Variants in PMS1 observed in about 807,000 individuals in gnomAD.
The protein encoded by PMS1 is PMS1 homolog 1, mismatch repair system component, also known as PMS1 protein homolog 1.
Under a neutral mutation model 93.1 loss-of-function variants are expected in PMS1, and 79 were observed. That is an observed-to-expected ratio of 0.85 (90% CI 0.71 to 1.02). The LOEUF (loss-of-function observed/expected upper bound fraction) is 1.02. Among genes scored for constraint, PMS1 ranks in the 50% least tolerant of loss-of-function variants. PMS1 has a pLI of 0.00. For synonymous variants in PMS1, 335 were observed against 363.4 expected, an observed-to-expected ratio of 0.92 and a Z score of 0.89; for missense variants, 1,064 against 1,085.3, an observed-to-expected ratio of 0.98 and a Z score of 0.28.
intron 1 of PMS1, among the ~76,000 whole-genome samples, chr2:189,786,674 T>A (rs1404186675): frequency 6.6e-6 from 1 of 152,170 alleles, no homozygotes; most frequent in Non-Finnish European, 1.5e-5. Context: ...TACGTAGAGT[T>A]GTTGTGAGGA....
At chr2:189,856,827 G>A (rs2055387485) in intron 9 of PMS1, among the ~76,000 whole-genome samples, 1 of 152,090 alleles carries the variant, frequency 6.6e-6, no homozygotes, top group South Asian at 2.1e-4. Flanking sequence ...GGGAATGTCT[G>A]CATTGTTTCT....
At chr2:189,797,996 AG>A (rs2049511653) in intron 3 of PMS1, among the ~76,000 whole-genome samples, 1 of 152,206 alleles carries the variant, frequency 6.6e-6, no homozygotes, top group Admixed American at 6.5e-5. Context: ...TAACTTGCTG[AG>A]CATTACAGCT....
In PMS1 at chr2:189,867,808, TG is replaced by T; in HGVS notation, c.2354del (p.Gly785AspfsTer5). On this transcript the variant is annotated frameshift_variant, in exon 11 of 13. Coordinates refer to ENST00000441310, the MANE Select transcript of PMS1 (RefSeq NM_000534.5). LOFTEE classifies it high-confidence loss of function. ...PIMLTESLFN[G>X]SHYLDVLYKM... ...ATAATTTCTTTTTCAGTCTTTTTAATGGATCTCATTATTTAGACGTTTTATA... is the reference window on the plus strand; with the variant it reads ...ATAATTTCTTTTTCAGTCTTTTTAATGATCTCATTATTTAGACGTTTTATA... 6.4e-7 allele frequency: 1 copy of T among 1,573,094 alleles called. No homozygotes were observed. Among genetic ancestry groups the T allele is most frequent in the Non-Finnish European group, 8.8e-7 (1 of 1,142,770 alleles).
chr2:189,789,455 A>C (rs1280337608), intron 1 of PMS1, among the ~76,000 whole-genome samples: 1 of 152,098 alleles, frequency 6.6e-6, no homozygotes, highest in Non-Finnish European at 1.5e-5. Flanking sequence ...CATTTTTTTC[A>C]TTGTGCCAAT....
In PMS1 at chr2:189,855,861, TG is replaced by T. The variant is rs776027097; in HGVS notation, c.1856+735del. The T allele has an allele frequency of 2.5e-5, 28 of 1,108,382 alleles. No homozygotes were observed. The South Asian group carries it at 2.6e-4, about 10-fold the overall frequency. The allele number at this position is 1,108,382 out of a possible 1,614,324, so 68.7% of individuals were successfully genotyped here. ...AATATAAACACAAAATATTATGTTC[TG>T]GTGATCTAATCCAGCAGAAAATGAG... On this transcript the variant is annotated intron_variant, in intron 9 of 12. Coordinates refer to ENST00000441310, the MANE Select transcript of PMS1 (RefSeq NM_000534.5).
chr2:189,788,774 T>C (rs1467204290), intron 1 of PMS1, among the ~76,000 whole-genome samples: 1 of 152,202 alleles, frequency 6.6e-6, no homozygotes, highest in African/African-American at 2.4e-5. Flanking sequence ...AAATTGAGTG[T>C]GTATTAGCAC....
chr2:189,871,970 T>C (rs2057187811), intron 11 of PMS1, among the ~76,000 whole-genome samples: 1 of 152,106 alleles, frequency 6.6e-6, no homozygotes, highest in Non-Finnish European at 1.5e-5. Context: ...CCAGGCTCTT[T>C]TAAACAACCA....
chr2:189,854,690 A>T lies in PMS1; in HGVS notation c.1418A>T (p.Asp473Val), dbSNP rs776857506. The stretch of plus-strand genomic sequence containing the variant: ...ACCCAGTCAGAAAATGGCAATAAAG[A>T]CCATATAGATGAGAGTGGGGAAAAT... ...KHTQSENGNKDHIDESGENEE... is the reference protein window; with the variant it reads ...KHTQSENGNKVHIDESGENEE... The change falls in exon 9 of 13, where the codon GAC (aspartate) becomes GTC (valine). Residue 473 changes from aspartate (D) to valine (V), a missense_variant. By Grantham distance (152) the Asp-to-Val change is radical. Coordinates refer to ENST00000441310, the MANE Select transcript of PMS1 (RefSeq NM_000534.5). The T allele has an allele frequency of 3.1e-6, 5 of 1,613,944 alleles. No individual in the cohort carries two copies. The East Asian group carries it at 1.1e-4, about 36-fold the overall frequency.
chr2:189,823,412 T>C (rs2052126676), intron 5 of PMS1, among the ~76,000 whole-genome samples: 1 of 152,096 alleles, frequency 6.6e-6, no homozygotes, highest in Non-Finnish European at 1.5e-5. Context: ...CCTAATGCTA[T>C]CCCTCCCCCT....
chr2:189,825,051 C>T (rs1575156259), intron 5 of PMS1, among the ~76,000 whole-genome samples: 2 of 152,192 alleles, frequency 1.3e-5, no homozygotes, highest in Non-Finnish European at 2.9e-5. Flanking sequence ...TAGAGACAAA[C>T]AATCATATTG....
In PMS1 at chr2:189,854,257, C is replaced by A; in HGVS notation, c.985C>A (p.Leu329Ile). The A allele has an allele frequency of 6.3e-7, 1 of 1,592,888 alleles. No homozygotes were observed. The highest frequency in any genetic ancestry group is 1.2e-5 in the South Asian group (1 of 84,902). ...LQNKESVLIA[L>I]ENLMTTCYGP... The stretch of plus-strand genomic sequence containing the variant: ...TTTTTAGGAATCTGTTTTAATTGCT[C>A]TTGAAAATCTGATGACGACTTGTTA... The change falls in exon 9 of 13, where the codon CTT becomes ATT. Residue 329 changes from leucine (L) to isoleucine (I), a missense_variant. Transcript: ENST00000441310.
chr2:189,863,451 G>A (rs1233809096), intron 9 of PMS1, among the ~76,000 whole-genome samples: 4 of 151,918 alleles, frequency 2.6e-5, no homozygotes, highest in African/African-American at 4.8e-5. Flanking sequence ...ACAGTGTTTC[G>A]CCATTTTGGC....
intron 11 of PMS1, among the ~76,000 whole-genome samples, chr2:189,871,059 A>G (rs1039456581): frequency 2.6e-5 from 4 of 152,184 alleles, no homozygotes; most frequent in Admixed American, 6.5e-5. Flanking sequence ...CCTTTTACAT[A>G]TAAGTTCCAA....
At chr2:189,792,351 T>TG (rs1171475219) in intron 2 of PMS1, among the ~76,000 whole-genome samples, 1 of 152,180 alleles carries the variant, frequency 6.6e-6, no homozygotes, top group African/African-American at 2.4e-5. Context: ...TGAGTAAATA[T>TG]GGCCTATATC....
At chr2:189,844,148 G>A (rs2054046740) in intron 6 of PMS1, 68 bp downstream of exon 6, 1 of 1,604,802 alleles carries the variant, frequency 6.2e-7, no homozygotes, top group African/African-American at 1.3e-5. Context: ...TTTCCCTTTG[G>A]GGGAGTTACA....
intron 3 of PMS1, among the ~76,000 whole-genome samples, chr2:189,798,055 A>C (rs185561917): frequency 2.0e-5 from 3 of 152,234 alleles, no homozygotes; most frequent in African/African-American, 7.2e-5. Context: ...ATTGGTCTAC[A>C]GTTGGGCAAA....
intron 4 of PMS1, chr2:189,806,471 C>G: frequency 3.4e-6 from 1 of 290,666 alleles, no homozygotes; most frequent in Middle Eastern, 1.1e-3. Context: ...CATCTTGGTT[C>G]ACTGCAACCT....
chr2:189,795,685 A>T (rs1022226376), intron 2 of PMS1, 84 bp from the exon 3 acceptor site: 2 of 1,116,268 alleles, frequency 1.8e-6, no homozygotes, highest in Non-Finnish European at 2.7e-6. Flanking sequence ...ATAAATGTCA[A>T]AATTCTTTCA....
At chr2:189,847,951 T>C (rs2054389327) in intron 6 of PMS1, among the ~76,000 whole-genome samples, 1 of 152,248 alleles carries the variant, frequency 6.6e-6, no homozygotes, top group African/African-American at 2.4e-5. Flanking sequence ...CAGGTAATGC[T>C]TGGGATTTTC....
Sources: allele counts gnomAD v4.1 joint callset (sites outside exome capture counted in the v4.1 genomes callset), GRCh38; gene constraint gnomAD v4.1.1; transcripts MANE v1.5; gene names NCBI Gene and HGNC (gene_info 2026-07-23, HGNC 2026-07-21).